Variants in PARN observed in about 807,000 individuals in gnomAD.
PARN encodes poly(A)-specific ribonuclease PARN.
Under a neutral mutation model 102.8 loss-of-function variants are expected in PARN, and 71 were observed. The ratio of observed to expected loss-of-function variants is 0.69; its 90% CI spans 0.57 to 0.84. The LOEUF is 0.84. PARN is among the 40% of genes least tolerant of loss of function. PARN has a pLI of 0.00. For missense variants in PARN, 782 were observed against 760.9 expected (o/e 1.03, Z -0.33); for synonymous variants, 261 against 252.9 (o/e 1.03, Z -0.30).
At chr16:14,510,135 T>C (rs749229291) in intron 21 of PARN, among the ~76,000 whole-genome samples, 28 of 152,176 alleles carry the variant, frequency 1.8e-4, no homozygotes, top group Non-Finnish European at 3.7e-4. Context: ...ATTTCAGGCA[T>C]CTTTGCAGCC....
intron 18 of PARN, among the ~76,000 whole-genome samples, chr16:14,570,798 T>C (rs1486370053): frequency 7.7e-6 from 1 of 130,252 alleles, no homozygotes; most frequent in Non-Finnish European, 1.6e-5. Context: ...GGCAACGTAA[T>C]GAGGCCCCCA....
At chr16:14,551,200 G>A (rs1967281106) in intron 21 of PARN, among the ~76,000 whole-genome samples, 1 of 151,584 alleles carries the variant, frequency 6.6e-6, no homozygotes, top group Non-Finnish European at 1.5e-5. Context: ...CCTAAGTGCT[G>A]GGATTACAAG....
At chr16:14,622,558 G>A (rs755502581) in intron 5 of PARN, among the ~76,000 whole-genome samples, 10 of 152,224 alleles carry the variant, frequency 6.6e-5, no homozygotes, top group Non-Finnish European at 1.2e-4. Flanking sequence ...AGGCTGGAGC[G>A]CAGTGGCGCG....
chr16:14,447,720 A>G (rs1961264145), intron 22 of PARN, among the ~76,000 whole-genome samples: 1 of 152,222 alleles, frequency 6.6e-6, no homozygotes, highest in Admixed American at 6.5e-5. Flanking sequence ...GTTCCCTTAA[A>G]TATAACTAGA....
intron 22 of PARN, among the ~76,000 whole-genome samples, chr16:14,464,701 A>G (rs765675609): frequency 6.6e-6 from 1 of 152,060 alleles, no homozygotes; most frequent in Non-Finnish European, 1.5e-5. Context: ...GGTTGCAGTG[A>G]GCTGAGGTTG....
At chr16:14,440,085 TAGA>T in intron 23 of PARN, among the ~76,000 whole-genome samples, 1 of 151,804 alleles carries the variant, frequency 6.6e-6, no homozygotes, top group East Asian at 1.9e-4. Context: ...AAAACCAACC[TAGA>T]AGAATATATT....
intron 13 of PARN, among the ~76,000 whole-genome samples, chr16:14,589,129 A>C (rs938341430): frequency 2.0e-5 from 3 of 151,840 alleles, no homozygotes; most frequent in African/African-American, 7.3e-5. Flanking sequence ...GCAGTGAGTC[A>C]AGATCGCACC....
In PARN at chr16:14,586,374, A is replaced by T; in HGVS notation, c.919-13T>A. 6.7e-7 allele frequency: 1 copy of T among 1,488,766 alleles called. No individual in the cohort carries two copies. Among genetic ancestry groups the T allele is most frequent in the Non-Finnish European group, 9.2e-7 (1 of 1,088,180 alleles). The allele number at this position is 1,488,766 out of a possible 1,614,324, so 92.2% of individuals were successfully genotyped here. A position where few individuals can be genotyped will look rare whatever the true frequency, so the allele number is the denominator to read the frequency against. The stretch of plus-strand genomic sequence containing the variant: ...ACTCACTTAAGTCCTAAAGAACAAG[A>T]GAAGGACTTGTTACAATTTTCCTAA... On this transcript the variant is annotated splice_polypyrimidine_tract_variant and intron_variant, in intron 13 of 23. Coordinates refer to ENST00000437198, the MANE Select transcript of PARN (RefSeq NM_002582.4).
chr16:14,559,510 T>C (rs1297830922), intron 18 of PARN, among the ~76,000 whole-genome samples: 1 of 152,116 alleles, frequency 6.6e-6, no homozygotes, highest in Admixed American at 6.6e-5. Context: ...AAGCACATCA[T>C]GGAGAATGCA....
At chr16:14,464,427 T>C (rs1016680349) in intron 22 of PARN, among the ~76,000 whole-genome samples, 20 of 152,176 alleles carry the variant, frequency 1.3e-4, no homozygotes, top group Non-Finnish European at 2.6e-4. Flanking sequence ...ACTCTGTCCA[T>C]TTAGAATTCT....
chr16:14,586,337 T>C lies in PARN; in HGVS notation c.943A>G (p.Thr315Ala), dbSNP rs371788207. 9.9e-5 allele frequency: 154 copies of C among 1,551,142 alleles called. No individual in the cohort carries two copies. Among genetic ancestry groups the C allele is most frequent in the Admixed American group, 4.6e-4 (24 of 52,138 alleles). ...PADLSEFKEM[T>A]TCVFPRLLDT... ...GCTTACCTGGGGAAAACACATGTTG[T>C]CATCTCTTTAAACTCACTTAAGTCC... Residue 315 changes from threonine (T) to alanine (A), a missense_variant, in exon 14 of 24, where the codon ACA (threonine) becomes GCA (alanine). Physicochemically the swap from Thr to Ala is moderately conservative, Grantham distance 58. Transcript: ENST00000437198.
At chr16:14,595,876 G>C (rs551376757) in intron 12 of PARN, among the ~76,000 whole-genome samples, 1 of 152,192 alleles carries the variant, frequency 6.6e-6, no homozygotes, top group South Asian at 2.1e-4. Context: ...TGTTGCCCAG[G>C]CTGGTCTTGA....
At chr16:14,550,413 TTTAC>T (rs1967220971) in intron 21 of PARN, among the ~76,000 whole-genome samples, 1 of 152,196 alleles carries the variant, frequency 6.6e-6, no homozygotes, top group East Asian at 1.9e-4. Flanking sequence ...CCAAGGTTCA[TTTAC>T]TTAATCTCAT....
At chr16:14,509,602 C>G (rs922376759) in intron 21 of PARN, among the ~76,000 whole-genome samples, 8 of 152,158 alleles carry the variant, frequency 5.3e-5, no homozygotes, top group Admixed American at 2.0e-4. Context: ...GATCAATTCT[C>G]ATCAACATTC....
At chr16:14,490,338 A>T (rs1963994047) in intron 21 of PARN, among the ~76,000 whole-genome samples, 1 of 152,190 alleles carries the variant, frequency 6.6e-6, no homozygotes, top group Non-Finnish European at 1.5e-5. Context: ...TGGGACCCCA[A>T]CCAAAGCCTA....
At chr16:14,598,015 G>C (rs2151775960) in intron 12 of PARN, among the ~76,000 whole-genome samples, 1 of 152,070 alleles carries the variant, frequency 6.6e-6, no homozygotes, top group South Asian at 2.1e-4. Flanking sequence ...GTGGTAGCAG[G>C]CACCTGTAAT....
intron 23 of PARN, among the ~76,000 whole-genome samples, chr16:14,440,410 C>T (rs1472456936): frequency 4.6e-5 from 7 of 152,122 alleles, no homozygotes; most frequent in Non-Finnish European, 1.0e-4. Context: ...GGGGGAAATC[C>T]AAAATGGTGA....
intron 18 of PARN, among the ~76,000 whole-genome samples, chr16:14,577,507 T>A (rs1211797781): frequency 6.6e-6 from 1 of 151,278 alleles, no homozygotes; most frequent in Non-Finnish European, 1.5e-5. Flanking sequence ...CTAATTTTTG[T>A]ATTTTTTGTA....
intron 18 of PARN, among the ~76,000 whole-genome samples, chr16:14,563,522 G>GTATA (rs1555499416): frequency 3.6e-4 from 53 of 149,266 alleles, no homozygotes; most frequent in African/African-American, 7.9e-4. Flanking sequence ...GTGTGTGTGT[G>GTATA]TATATAATTC....
Sources: allele counts gnomAD v4.1 joint callset (sites outside exome capture counted in the v4.1 genomes callset), GRCh38; gene constraint gnomAD v4.1.1; transcripts MANE v1.5; gene names NCBI Gene and HGNC (gene_info 2026-07-23, HGNC 2026-07-21).